The following ACAA2 variants were observed in gnomAD, a reference collection of about 807,000 sequenced individuals.
ACAA2 encodes the protein acetyl-CoA acyltransferase 2.
Under a neutral mutation model 44.8 loss-of-function variants are expected in ACAA2, and 35 were observed. The observed-to-expected ratio is 0.78, with a 90% CI of 0.60 to 1.04. ACAA2 has a LOEUF of 1.04. Among genes scored for constraint, ACAA2 ranks in the 50% least tolerant of loss-of-function variants. The pLI is 0.00. For missense variants in ACAA2, 468 were observed against 482.6 expected (o/e 0.97, Z 0.28); for synonymous variants, 142 against 166.5 (o/e 0.85, Z 1.13).
At chr18:49,788,479 T>C (rs950613100) in intron 7 of ACAA2, among the ~76,000 whole-genome samples, 2 of 152,220 alleles carry the variant, frequency 1.3e-5, no homozygotes, top group Non-Finnish European at 2.9e-5. Context: ...GTTAATGCAC[T>C]TCAATTTAAA....
At chr18:49,790,832 C>G (rs1426484559) in intron 7 of ACAA2, among the ~76,000 whole-genome samples, 1 of 152,148 alleles carries the variant, frequency 6.6e-6, no homozygotes, top group South Asian at 2.1e-4. Context: ...CTTTATTTTG[C>G]TAATACTCAC....
At chr18:49,792,493 G>A (rs552079384) in intron 5 of ACAA2, among the ~76,000 whole-genome samples, 166 bp from the exon 6 acceptor site, 2 of 152,266 alleles carry the variant, frequency 1.3e-5, no homozygotes, top group South Asian at 4.2e-4. Flanking sequence ...CGCCTGGGCT[G>A]GAGTGCAACG....
chr18:49,786,244 A>AAGAG (rs1397930178), intron 8 of ACAA2: 1 of 152,202 alleles, frequency 6.6e-6, no homozygotes, highest in African/African-American at 2.4e-5. Flanking sequence ...AGGAGGTACT[A>AAGAG]AGAGACCTAG....
chr18:49,790,415 A>G (rs1024783566), intron 7 of ACAA2, among the ~76,000 whole-genome samples: 3 of 152,220 alleles, frequency 2.0e-5, no homozygotes, highest in African/African-American at 4.8e-5. Context: ...GTAGGCTTAC[A>G]CTGAAGGATC....
In ACAA2 at chr18:49,787,723, G is replaced by A. The variant is rs548021824; in HGVS notation, c.884-362C>T. ...TTATACATTCAAACTGCAGATAAGA[G>A]AATTACATGAAAAGTTCTACCATAA... On this transcript the variant is annotated intron_variant, in intron 7 of 9. Transcript: ENST00000285093. Among the ~76,000 whole-genome samples, 5 of 152,228 alleles carry A rather than the reference G, an allele frequency of 3.3e-5. No homozygotes were observed. The East Asian group carries it at 9.6e-4, about 29-fold the overall frequency.
Position 49,792,337 on chromosome 18 carries a change from A to C in ACAA2, c.578-10T>G. The C allele has an allele frequency of 1.2e-6, 2 of 1,604,126 alleles. No homozygotes were observed. Among genetic ancestry groups the C allele is most frequent in the Non-Finnish European group, 1.7e-6 (2 of 1,172,454 alleles). On this transcript the variant is annotated splice_polypyrimidine_tract_variant and intron_variant, in intron 5 of 9. Transcript: ENST00000285093. ...TAGCCAGCATCATTAGCTGAAAAAT[A>C]GTAGAGAGACTATCATAAGAATAAA...
chr18:49,799,594 G>T (rs2143965971), intron 2 of ACAA2, among the ~76,000 whole-genome samples: 1 of 152,234 alleles, frequency 6.6e-6, no homozygotes, highest in East Asian at 1.9e-4. Flanking sequence ...GCCTGCCTTG[G>T]CCTCCCAAAG....
At position 49,792,980 on chromosome 18, in the gene ACAA2, A is replaced by AT. The variant is rs202132216; in HGVS notation, c.578-654dup. On this transcript the variant is annotated intron_variant, in intron 5 of 9. Transcript: ENST00000285093. Reference sequence around the variant, plus strand: ...TAAAAATTATATTTTTTTAACCACAATTTTTTTTCACCAGGTACTGCTAAG... The same window carrying AT: ...TAAAAATTATATTTTTTTAACCACAATTTTTTTTTCACCAGGTACTGCTAAG... Among the ~76,000 whole-genome samples the AT allele has an allele frequency of 5.1e-3, 779 of 152,042 alleles. 3 individuals are homozygous for AT. The highest frequency in any genetic ancestry group is 7.9e-3 in the Non-Finnish European group (540 of 67,974).
intron 1 of ACAA2, among the ~76,000 whole-genome samples, chr18:49,810,651 G>T (rs1436703761): frequency 9.9e-5 from 15 of 152,028 alleles, no homozygotes; most frequent in Admixed American, 9.8e-4. Flanking sequence ...TTTGAACAGA[G>T]AAAATGTTCT....
At chr18:49,806,261 AG>A (rs1421365666) in intron 1 of ACAA2, among the ~76,000 whole-genome samples, 1 of 152,228 alleles carries the variant, frequency 6.6e-6, no homozygotes, top group African/African-American at 2.4e-5. Context: ...CACAGCCACT[AG>A]AAAGTGAATG....
At chr18:49,798,253 C>T (rs1292637371) in intron 2 of ACAA2, among the ~76,000 whole-genome samples, 2 of 152,160 alleles carry the variant, frequency 1.3e-5, no homozygotes, top group African/African-American at 2.4e-5. Flanking sequence ...GGACTGCATA[C>T]TTAGGGAGAA....
Position 49,802,825 on chromosome 18 carries a change from C to T in ACAA2, c.45G>A (p.Thr15=), listed in dbSNP as rs371189626. The change falls in exon 2 of 10, where the codon ACG becomes ACA. Residue 15 remains threonine, a synonymous_variant. Transcript: ENST00000285093. Reference sequence around the variant, plus strand: ...GAAGGCCTCCGTAAGCTCCAAAGGGCGTTCGCTTAGCAGCAACTACAAACA... The same window carrying T: ...GAAGGCCTCCGTAAGCTCCAAAGGGTGTTCGCTTAGCAGCAACTACAAACA... The part of the protein sequence containing the change: ...RGVFVVAAKR[T]PFGAYGGLLK... 1.5e-5 allele frequency: 24 copies of T among 1,613,882 alleles called. No individual in the cohort carries two copies. Among genetic ancestry groups the T allele is most frequent in the African/African-American group, 2.7e-5 (2 of 74,908 alleles).
At chr18:49,793,100 A>C (rs981371504) in intron 5 of ACAA2, among the ~76,000 whole-genome samples, 1 of 152,202 alleles carries the variant, frequency 6.6e-6, no homozygotes, top group African/African-American at 2.4e-5. Flanking sequence ...TAAGCAATTA[A>C]AAAGTTACCA....
chr18:49,784,360 T>C (rs574432825), intron 9 of ACAA2, among the ~76,000 whole-genome samples: 190 of 152,294 alleles, frequency 1.2e-3, no homozygotes, highest in Middle Eastern at 0.01. Flanking sequence ...GAGAGCCTCA[T>C]GGCACCTTAG....
At chr18:49,805,480 T>G (rs1444848176) in intron 1 of ACAA2, among the ~76,000 whole-genome samples, 1 of 152,230 alleles carries the variant, frequency 6.6e-6, no homozygotes, top group Non-Finnish European at 1.5e-5. Flanking sequence ...GTAAATTGGT[T>G]ATTCTGTACC....
intron 2 of ACAA2, among the ~76,000 whole-genome samples, chr18:49,800,450 A>G (rs969371514): frequency 2.0e-5 from 3 of 152,204 alleles, no homozygotes; most frequent in Non-Finnish European, 4.4e-5. Flanking sequence ...TTTGTGGAGT[A>G]GAAAGGGGGG....
intron 9 of ACAA2, among the ~76,000 whole-genome samples, chr18:49,784,250 G>C (rs560809010): frequency 2.0e-5 from 3 of 152,168 alleles, no homozygotes; most frequent in African/African-American, 4.8e-5. Flanking sequence ...TGTGTGTTAC[G>C]GGAAAGGAGT....
chr18:49,785,060 G>A, intron 9 of ACAA2, 137 bp downstream of exon 9: 1 of 1,059,200 alleles, frequency 9.4e-7, no homozygotes, highest in South Asian at 1.7e-5. Flanking sequence ...CACTGCCCAA[G>A]TAACTTGTTC....
chr18:49,793,522 A>ATAAG (rs1011547965), intron 5 of ACAA2, among the ~76,000 whole-genome samples: 1 of 152,242 alleles, frequency 6.6e-6, no homozygotes, highest in Non-Finnish European at 1.5e-5. Flanking sequence ...CTATGAACAT[A>ATAAG]TAAGTAAAAA....
Sources: gnomAD v4.1 joint callset for allele counts (sites outside exome capture counted in the v4.1 genomes callset) on GRCh38, gnomAD v4.1.1 for gene constraint, MANE v1.5 for transcripts, NCBI Gene and HGNC (gene_info 2026-07-23, HGNC 2026-07-21) for gene names.